Variants in SLC12A2 observed in about 807,000 individuals in gnomAD.
The protein encoded by SLC12A2 is solute carrier family 12 member 2.
Under a neutral mutation model 136.3 loss-of-function variants are expected in SLC12A2, and 67 were observed. The ratio of observed to expected loss-of-function variants is 0.49; its 90% confidence interval spans 0.40 to 0.60. The LOEUF (loss-of-function observed/expected upper bound fraction) is 0.60. Among genes scored for constraint, SLC12A2 ranks in the 20% least tolerant of loss-of-function variants. The pLI is 0.00. For missense variants in SLC12A2, 1,322 were observed against 1,534.7 expected (o/e 0.86, Z 2.32); for synonymous variants, 619 against 562.9 (o/e 1.10, Z -1.41).
At chr5:128,156,409 C>T (rs1045291213) in intron 15 of SLC12A2, among the ~76,000 whole-genome samples, 7 of 152,266 alleles carry the variant, frequency 4.6e-5, no homozygotes, top group African/African-American at 1.7e-4. Flanking sequence ...AAGGAGATTA[C>T]ATCAAGGTAG....
intron 16 of SLC12A2, among the ~76,000 whole-genome samples, chr5:128,158,794 C>T (rs1581122102): frequency 1.3e-5 from 2 of 151,294 alleles, no homozygotes; most frequent in South Asian, 4.2e-4. Flanking sequence ...TCCATAGTGG[C>T]TGAAGTAATT....
chr5:128,135,708 T>A lies in SLC12A2; in HGVS notation c.1308T>A (p.Ile436=). The A allele has an allele frequency of 6.2e-7, 1 of 1,602,070 alleles. No individual in the cohort carries two copies. Among genetic ancestry groups the A allele is most frequent in the Non-Finnish European group, 8.5e-7 (1 of 1,169,910 alleles). The change falls in exon 7 of 27, where the codon ATT becomes ATA. Residue 436 remains isoleucine (I), a synonymous_variant. Coordinates refer to ENST00000262461, the MANE Select transcript of SLC12A2 (RefSeq NM_001046.3). ...AATGTTTAAAATTGCAGGCTCAGAT[T>A]GTTCTTTTGGTGATCCTACTTCTTG... The part of the protein sequence containing the change: ...AGMEWEAKAQ[I]VLLVILLLAI...
At chr5:128,104,573 A>G (rs1303917443) in intron 1 of SLC12A2, among the ~76,000 whole-genome samples, 4 of 152,034 alleles carry the variant, frequency 2.6e-5, no homozygotes, top group Non-Finnish European at 4.4e-5. Context: ...CAGAGGTTGC[A>G]GTGAGCCCAG....
chr5:128,085,998 TA>T (rs1218723694), intron 1 of SLC12A2, among the ~76,000 whole-genome samples: 1 of 152,244 alleles, frequency 6.6e-6, no homozygotes, highest in Non-Finnish European at 1.5e-5. Context: ...CTATCAAGTC[TA>T]TTCTTTTTTC....
At chr5:128,141,702 T>C (rs1762368429) in intron 9 of SLC12A2, 128 bp from the exon 10 acceptor site, 3 of 588,612 alleles carry the variant, frequency 5.1e-6, no homozygotes, top group Non-Finnish European at 5.3e-6. Flanking sequence ...AAATGCAATG[T>C]ATGCTATTAT....
chr5:128,096,673 CTTACCTATAAA>C (rs921130080), intron 1 of SLC12A2, among the ~76,000 whole-genome samples: 2 of 152,054 alleles, frequency 1.3e-5, no homozygotes, highest in African/African-American at 4.8e-5. Flanking sequence ...TCAGTACTAA[CTTACCTATAAA>C]TTTCTAGAGA....
At chr5:128,146,868 A>G (rs34836614) in intron 10 of SLC12A2, among the ~76,000 whole-genome samples, 79 of 151,726 alleles carry the variant, frequency 5.2e-4, no homozygotes, top group Non-Finnish European at 1.0e-3. Flanking sequence ...CAAAACTTGT[A>G]CCTCATTTTG....
At chr5:128,114,359 A>G (rs1761269030) in intron 3 of SLC12A2, 72 bp downstream of exon 3, 13 of 1,166,624 alleles carry the variant, frequency 1.1e-5, no homozygotes, top group Non-Finnish European at 7.6e-6. Flanking sequence ...AACCTCATGA[A>G]ACTCAAGAAA....
chr5:128,186,792 G>C lies in SLC12A2; in HGVS notation c.*161G>C. On this transcript the variant is annotated 3_prime_UTR_variant, in exon 27 of 27. Transcript: ENST00000262461. ...ACAGGAAAGTTGCTCCATTGATAAC[G>C]TGTATGGAGACTTCGGTTTTAGTCA... 1.6e-6 allele frequency: 1 copy of C among 630,328 alleles called. No homozygotes were observed. The highest frequency in any genetic ancestry group is 3.1e-5 in the Admixed American group (1 of 32,160). The allele number at this position is 630,328 out of a possible 1,614,324, so 39.0% of individuals were successfully genotyped here. A position where few individuals can be genotyped will look rare whatever the true frequency, so the allele number is the denominator to read the frequency against.
Position 128,098,943 on chromosome 5 carries a change from A to G in SLC12A2, c.757-13871A>G, listed in dbSNP as rs369097339. On this transcript the variant is annotated intron_variant, in intron 1 of 26. Coordinates refer to ENST00000262461, the MANE Select transcript of SLC12A2 (RefSeq NM_001046.3). ...TGATATTTCAAGTTAGTAGGGCTTT[A>G]CTCTCAGCCATTTAAGCTATCCACA... 3.5e-4 allele frequency among the ~76,000 whole-genome samples: 53 copies of G among 152,144 alleles called. 1 individual carries two copies. The South Asian group carries it at 0.011, about 31-fold the overall frequency.
chr5:128,131,212 T>C lies in SLC12A2; in HGVS notation c.1188+6T>C. 6.2e-7 allele frequency: 1 copy of C among 1,613,560 alleles called. No homozygotes were observed. On this transcript the variant is annotated splice_donor_region_variant and intron_variant, in intron 5 of 26. Coordinates refer to ENST00000262461, the MANE Select transcript of SLC12A2 (RefSeq NM_001046.3). Reference sequence around the variant, plus strand: ...CCGTGGTGGAGTTGCTTAAGGTAATTCACCTTCCTTCTAGTCATTCGTTTA... The same window carrying C: ...CCGTGGTGGAGTTGCTTAAGGTAATCCACCTTCCTTCTAGTCATTCGTTTA...
At position 128,177,166 on chromosome 5, in the gene SLC12A2, A is replaced by G. The variant is rs1489395562; in HGVS notation, c.2977+14A>G. On this transcript the variant is annotated intron_variant, in intron 21 of 26. Coordinates refer to ENST00000262461, the MANE Select transcript of SLC12A2 (RefSeq NM_001046.3). ...TGTTGAAAAAAGGCAGGCATTTTTCATCATTTTATTTTAAACCCTTTTTCA... is the reference window on the plus strand; with the variant it reads ...TGTTGAAAAAAGGCAGGCATTTTTCGTCATTTTATTTTAAACCCTTTTTCA... The G allele has an allele frequency of 3.8e-6, 6 of 1,585,858 alleles. No homozygotes were observed. In the South Asian group the frequency reaches 7.0e-5, roughly 18 times the overall value.
chr5:128,127,390 G>T (rs1016531931), intron 4 of SLC12A2, among the ~76,000 whole-genome samples: 2 of 151,806 alleles, frequency 1.3e-5, no homozygotes, highest in Non-Finnish European at 2.9e-5. Flanking sequence ...CAAAGTGCTG[G>T]GATTACAGGC....
intron 7 of SLC12A2, among the ~76,000 whole-genome samples, chr5:128,137,746 A>G (rs761078195): frequency 1.3e-5 from 2 of 152,126 alleles, no homozygotes; most frequent in Non-Finnish European, 2.9e-5. Context: ...CACTAGGTCT[A>G]GTTGAAGCTT....
chr5:128,154,959 G>A (rs565018011), intron 15 of SLC12A2, among the ~76,000 whole-genome samples: 1 of 151,702 alleles, frequency 6.6e-6, no homozygotes, highest in African/African-American at 2.4e-5. Flanking sequence ...TCACTTAAAG[G>A]AAGCATTTTA....
chr5:128,140,285 C>G (rs1762320798), intron 9 of SLC12A2, among the ~76,000 whole-genome samples: 1 of 152,104 alleles, frequency 6.6e-6, no homozygotes, highest in African/African-American at 2.4e-5. Context: ...AGGTGTGAGC[C>G]ACCGCGCCCA....
rs1444552409 is a variant in SLC12A2, at chr5:128,188,699, T to C, written c.*2068T>C. 6.8e-6 allele frequency: 1 copy of C among 147,418 alleles called. No individual in the cohort carries two copies. The highest frequency in any genetic ancestry group is 2.5e-5 in the African/African-American group (1 of 39,538). 9.1% of individuals were successfully genotyped at this position (147,418 alleles called of 1,614,324 possible). On this transcript the variant is annotated 3_prime_UTR_variant, in exon 27 of 27. Transcript: ENST00000262461. ...AGGTATAGAGATCTGATAACTTGAATTCAGAATATTAAGAAAATGAAGTAA... is the reference window on the plus strand; with the variant it reads ...AGGTATAGAGATCTGATAACTTGAACTCAGAATATTAAGAAAATGAAGTAA...
At chr5:128,090,607 C>T (rs1760272893) in intron 1 of SLC12A2, among the ~76,000 whole-genome samples, 1 of 151,978 alleles carries the variant, frequency 6.6e-6, no homozygotes, top group Non-Finnish European at 1.5e-5. Context: ...AATAAACAAA[C>T]AAAATTAAAG....
At chr5:128,107,222 T>G (rs896708570) in intron 1 of SLC12A2, among the ~76,000 whole-genome samples, 3 of 152,222 alleles carry the variant, frequency 2.0e-5, no homozygotes, top group Admixed American at 2.0e-4. Context: ...ACAGCTGAAG[T>G]GGGTTGTTAT....
Sources: gnomAD v4.1 joint callset for allele counts (sites outside exome capture counted in the v4.1 genomes callset) on GRCh38, gnomAD v4.1.1 for gene constraint, MANE v1.5 for transcripts, NCBI Gene and HGNC (gene_info 2026-07-23, HGNC 2026-07-21) for gene names.